CGGBP1: variants seen among roughly 807,000 people sequenced by gnomAD.
CGGBP1 encodes CGG triplet repeat-binding protein 1.
CGGBP1 carries 4 observed loss-of-function variants against 11.4 expected under a neutral mutation model. The ratio of observed to expected loss-of-function variants is 0.35; its 90% CI spans 0.17 to 0.80. CGGBP1 has a LOEUF of 0.80. Among genes scored for constraint, CGGBP1 ranks in the 30% least tolerant of loss-of-function variants. The probability of loss-of-function intolerance (pLI) is 0.52; values close to 1 mark genes in which losing one functional copy is unlikely to be tolerated. For missense variants in CGGBP1, 135 were observed against 202.1 expected, an observed-to-expected ratio of 0.67 and a Z score of 2.01; for synonymous variants, 76 against 74.1, an observed-to-expected ratio of 1.03 and a Z score of -0.13.
At chr3:88,106,226 A>G (rs911844588) in intron 2 of CGGBP1, among the ~76,000 whole-genome samples, 1 of 152,172 alleles carries the variant, frequency 6.6e-6, no homozygotes, top group African/African-American at 2.4e-5. Flanking sequence ...CTGTCTGATG[A>G]TATGTCAATC....
intron 2 of CGGBP1, among the ~76,000 whole-genome samples, chr3:88,083,964 T>G (rs5024149): frequency 0.78 from 116,193 of 149,454 alleles, 45,837 homozygotes; most frequent in South Asian, 0.89. Flanking sequence ...TATATATATA[T>G]ATAGAAAATA....
intron 2 of CGGBP1, among the ~76,000 whole-genome samples, chr3:88,110,476 A>G (rs1425163046): frequency 2.0e-5 from 3 of 152,126 alleles, no homozygotes; most frequent in African/African-American, 4.8e-5. Flanking sequence ...TTCACCCACC[A>G]TGAAATACTG....
chr3:88,116,302 C>T (rs542288110), intron 2 of CGGBP1, among the ~76,000 whole-genome samples: 1 of 152,094 alleles, frequency 6.6e-6, no homozygotes, highest in South Asian at 2.1e-4. Context: ...GGGCAGATCA[C>T]CTGAGGGTGG....
At chr3:88,092,597 C>T (rs867219011) in intron 2 of CGGBP1, among the ~76,000 whole-genome samples, 8 of 152,036 alleles carry the variant, frequency 5.3e-5, no homozygotes, top group Admixed American at 2.0e-4. Context: ...TAACAGATTT[C>T]AATATATTTA....
At chr3:88,062,364 C>T (rs773746947), upstream of CGGBP1, among the ~76,000 whole-genome samples, 5 of 152,062 alleles carry the variant, frequency 3.3e-5, no homozygotes, top group Admixed American at 6.6e-5. Context: ...TAAGTAAATC[C>T]TCAATTATAG....
chr3:88,082,581 C>T (rs538851036), intron 2 of CGGBP1, among the ~76,000 whole-genome samples: 14 of 152,220 alleles, frequency 9.2e-5, no homozygotes, highest in East Asian at 1.9e-4. Context: ...ATAATACGGA[C>T]GTGAATAGCC....
intron 2 of CGGBP1, among the ~76,000 whole-genome samples, chr3:88,090,275 T>C (rs991124131): frequency 4.6e-5 from 7 of 152,290 alleles, no homozygotes; most frequent in Middle Eastern, 6.8e-3. Context: ...AGAACTTCCA[T>C]TGTGACAAGA....
chr3:88,114,100 G>T (rs1705251404), intron 2 of CGGBP1, among the ~76,000 whole-genome samples: 1 of 152,118 alleles, frequency 6.6e-6, no homozygotes, highest in Admixed American at 6.6e-5. Flanking sequence ...AAGAAAAACA[G>T]TAGTAAGCAA....
chr3:88,139,649 A>T (rs1421811409), intron 2 of CGGBP1: 40 of 1,611,792 alleles, frequency 2.5e-5, no homozygotes, highest in African/African-American at 4.0e-5. Context: ...ATGTGGCTGA[A>T]TTCATTGAAA....
chr3:88,099,735 A>T (rs1306178716), intron 2 of CGGBP1, among the ~76,000 whole-genome samples: 1 of 152,188 alleles, frequency 6.6e-6, no homozygotes, highest in African/African-American at 2.4e-5. Context: ...AGGATTCCCT[A>T]TTTAATAAAT....
At chr3:88,149,367 C>T (rs1458905540) in intron 1 of CGGBP1, among the ~76,000 whole-genome samples, 1 of 152,178 alleles carries the variant, frequency 6.6e-6, no homozygotes, top group Non-Finnish European at 1.5e-5. Context: ...TTAAATTGCG[C>T]GCGACATCGC....
At chr3:88,085,552 T>A (rs535785892) in intron 2 of CGGBP1, among the ~76,000 whole-genome samples, 1 of 152,348 alleles carries the variant, frequency 6.6e-6, no homozygotes, top group African/African-American at 2.4e-5. Flanking sequence ...TATAATATAT[T>A]GTTTTAATAC....
At chr3:88,064,706 A>C (rs1413698538) in intron 2 of CGGBP1, among the ~76,000 whole-genome samples, 1 of 152,204 alleles carries the variant, frequency 6.6e-6, no homozygotes, top group African/African-American at 2.4e-5. Flanking sequence ...ATCTGTAGAT[A>C]TCTCTCCTTT....
At chr3:88,138,634 T>TAAAAAACACAAC (rs1433387828) in intron 2 of CGGBP1, 2 of 941,810 alleles carry the variant, frequency 2.1e-6, no homozygotes, top group African/African-American at 3.4e-5. Flanking sequence ...AGTTGTGTTT[T>TAAAAAACACAAC]TTAAAGATAG....
upstream of CGGBP1, chr3:88,059,604 C>CGGG: frequency 7.1e-7 from 1 of 1,403,932 alleles, no homozygotes; most frequent in South Asian, 1.5e-5. Context: ...TGTCCAGTGC[C>CGGG]CGCTCCTCCC....
At chr3:88,135,801 C>T (rs560299281) in intron 2 of CGGBP1, among the ~76,000 whole-genome samples, 98 of 152,108 alleles carry the variant, frequency 6.4e-4, no homozygotes, top group Non-Finnish European at 1.1e-3. Context: ...GTTTTTCCCC[C>T]AAAATATCAA....
intron 2 of CGGBP1, among the ~76,000 whole-genome samples, chr3:88,113,591 A>AT (rs996138806): frequency 1.7e-3 from 262 of 151,754 alleles, no homozygotes; most frequent in African/African-American, 5.7e-3. Context: ...GAGACAGAAG[A>AT]TTTTTTTTTA....
upstream of CGGBP1, among the ~76,000 whole-genome samples, chr3:88,062,215 G>A (rs1053615649): frequency 3.3e-5 from 5 of 152,118 alleles, no homozygotes; most frequent in African/African-American, 1.2e-4. Flanking sequence ...AACTTTTATG[G>A]AAGGCCTACT....
chr3:88,058,624 G>T (rs958602658), intron 1 of CGGBP1, among the ~76,000 whole-genome samples, 191 bp downstream of exon 1: 43 of 152,368 alleles, frequency 2.8e-4, no homozygotes, highest in African/African-American at 9.9e-4. Flanking sequence ...CTTGGCGGCA[G>T]TCTCAAGGGA....
Sources: gnomAD v4.1 joint callset for allele counts (sites outside exome capture counted in the v4.1 genomes callset) on GRCh38, gnomAD v4.1.1 for gene constraint, MANE v1.5 for transcripts, NCBI Gene and HGNC (gene_info 2026-07-23, HGNC 2026-07-21) for gene names.